The following AUH variants were observed in gnomAD, a reference collection of about 807,000 sequenced individuals.
AUH encodes AU RNA binding methylglutaconyl-CoA hydratase.
Under a neutral mutation model 42.3 loss-of-function variants are expected in AUH, and 29 were observed. The ratio of observed to expected loss-of-function variants is 0.69; its 90% CI spans 0.51 to 0.93. AUH has a LOEUF of 0.93. Ranked by LOEUF, AUH falls within the 40% of genes least tolerant of loss-of-function variation. AUH has a pLI of 0.00. For missense variants in AUH, 452 were observed against 438.1 expected (o/e 1.03, Z -0.28); for synonymous variants, 174 against 166.4 (o/e 1.05, Z -0.35).
chr9:91,300,798 A>G lies in AUH; in HGVS notation c.506-2722T>C, dbSNP rs192155306. Among the ~76,000 whole-genome samples, 320 of 152,310 alleles carry G rather than the reference A, an allele frequency of 2.1e-3. 1 individual carries two copies. The highest frequency in any genetic ancestry group is 3.5e-3 in the Non-Finnish European group (235 of 68,028). On this transcript the variant is annotated intron_variant, in intron 4 of 9. Coordinates refer to ENST00000375731, the MANE Select transcript of AUH (RefSeq NM_001698.3). Reference sequence around the variant, plus strand: ...AAAACAGCTCCAAAAGTCTCCATTCAAGACTCAATATCTGTATACAAGGTG... The same window carrying G: ...AAAACAGCTCCAAAAGTCTCCATTCGAGACTCAATATCTGTATACAAGGTG...
chr9:91,298,591 G>A (rs543711693), intron 4 of AUH, among the ~76,000 whole-genome samples: 1 of 152,330 alleles, frequency 6.6e-6, no homozygotes, highest in African/African-American at 2.4e-5. Flanking sequence ...CATTTAGTGA[G>A]GAGCCCTAAC....
intron 3 of AUH, among the ~76,000 whole-genome samples, chr9:91,334,913 T>A (rs1830590686): frequency 6.6e-6 from 1 of 152,188 alleles, no homozygotes; most frequent in South Asian, 2.1e-4. Flanking sequence ...CAGGTCAAGA[T>A]AACCAATGAT....
At chr9:91,285,206 A>C (rs1284294378) in intron 6 of AUH, among the ~76,000 whole-genome samples, 1 of 152,138 alleles carries the variant, frequency 6.6e-6, no homozygotes, top group African/African-American at 2.4e-5. Flanking sequence ...AAACTATTGC[A>C]AGGACAAAAA....
intron 4 of AUH, among the ~76,000 whole-genome samples, chr9:91,307,214 A>G (rs912646736): frequency 1.1e-4 from 16 of 152,174 alleles, no homozygotes; most frequent in Admixed American, 9.2e-4. Context: ...ACACTTTAAT[A>G]TGGGCAATTT....
At chr9:91,320,567 C>T (rs1168645744) in intron 4 of AUH, among the ~76,000 whole-genome samples, 3 of 152,164 alleles carry the variant, frequency 2.0e-5, no homozygotes, top group Non-Finnish European at 4.4e-5. Flanking sequence ...TTGTTCTGAC[C>T]ACAAGGCATC....
chr9:91,338,920 A>G (rs1298091184), intron 3 of AUH, among the ~76,000 whole-genome samples: 1 of 152,246 alleles, frequency 6.6e-6, no homozygotes, highest in Non-Finnish European at 1.5e-5. Context: ...TGACACTTCT[A>G]TGATTATATC....
At chr9:91,262,031 TG>T in intron 6 of AUH, among the ~76,000 whole-genome samples, 1 of 152,048 alleles carries the variant, frequency 6.6e-6, no homozygotes, top group East Asian at 1.9e-4. Context: ...CATAAACCAA[TG>T]GGAAAAAAAG....
At chr9:91,265,871 A>G (rs1044174204) in intron 6 of AUH, among the ~76,000 whole-genome samples, 1 of 152,126 alleles carries the variant, frequency 6.6e-6, no homozygotes, top group East Asian at 1.9e-4. Flanking sequence ...CCCTCTTCCT[A>G]AAGAGTTATA....
intron 6 of AUH, among the ~76,000 whole-genome samples, chr9:91,295,479 G>A (rs995901791): frequency 3.0e-4 from 45 of 152,122 alleles, no homozygotes; most frequent in African/African-American, 9.9e-4. Context: ...AAACAGCAGC[G>A]CATGCTACAG....
chr9:91,302,740 G>A (rs1564081072), intron 4 of AUH, among the ~76,000 whole-genome samples: 3 of 152,196 alleles, frequency 2.0e-5, no homozygotes, highest in East Asian at 1.9e-4. Flanking sequence ...CTGCATTCCA[G>A]CCTGGGCAAC....
intron 6 of AUH, among the ~76,000 whole-genome samples, chr9:91,294,474 G>A (rs1827157183): frequency 6.6e-6 from 1 of 151,370 alleles, no homozygotes; most frequent in Non-Finnish European, 1.5e-5. Context: ...CTTGAACCGG[G>A]GAGGCAGGGG....
chr9:91,267,970 C>T (rs910783417), intron 6 of AUH, among the ~76,000 whole-genome samples: 5 of 152,124 alleles, frequency 3.3e-5, no homozygotes, highest in Non-Finnish European at 7.4e-5. Flanking sequence ...ACTCACAGAT[C>T]TATCCTCCTA....
At chr9:91,293,568 G>C (rs1167648547) in intron 6 of AUH, among the ~76,000 whole-genome samples, 1 of 152,174 alleles carries the variant, frequency 6.6e-6, no homozygotes, top group African/African-American at 2.4e-5. Context: ...TTTAATTCTA[G>C]AGTTAAGTCT....
At chr9:91,224,188 A>G (rs566534571) in intron 6 of AUH, among the ~76,000 whole-genome samples, 60 of 152,256 alleles carry the variant, frequency 3.9e-4, no homozygotes, top group African/African-American at 1.3e-3. Context: ...TTTGGTAGCA[A>G]TTTCATTGTG....
At position 91,214,273 on chromosome 9, in the gene AUH, G is replaced by T; in HGVS notation, c.*75C>A. On this transcript the variant is annotated 3_prime_UTR_variant, in exon 10 of 10. Coordinates refer to ENST00000375731, the MANE Select transcript of AUH (RefSeq NM_001698.3). The stretch of plus-strand genomic sequence containing the variant: ...TGGTCATTAAGGTTCCATGTGCTGA[G>T]GCATATAGTGGATCCGAAAGACACT... 2.4e-6 allele frequency: 3 copies of T among 1,245,446 alleles called. No individual in the cohort carries two copies. The highest frequency in any genetic ancestry group is 1.5e-5 in the African/African-American group (1 of 67,316). 77.1% of individuals were successfully genotyped at this position (1,245,446 alleles called of 1,614,324 possible). A position where few individuals can be genotyped will look rare whatever the true frequency, so the allele number is the denominator to read the frequency against.
chr9:91,227,859 T>C (rs1422104576), intron 6 of AUH, among the ~76,000 whole-genome samples: 1 of 151,854 alleles, frequency 6.6e-6, no homozygotes, highest in African/African-American at 2.4e-5. Context: ...TTACATTTAT[T>C]GATTTGCGTA....
chr9:91,233,866 A>G (rs1380151131), intron 6 of AUH, among the ~76,000 whole-genome samples: 1 of 152,330 alleles, frequency 6.6e-6, no homozygotes, highest in Non-Finnish European at 1.5e-5. Flanking sequence ...GCATACAAGC[A>G]TAAGAACCCT....
chr9:91,222,844 T>C (rs1827210218), intron 6 of AUH, among the ~76,000 whole-genome samples: 1 of 152,214 alleles, frequency 6.6e-6, no homozygotes, highest in African/African-American at 2.4e-5. Flanking sequence ...AAGTTTAATG[T>C]AGACTGGTCA....
intron 6 of AUH, among the ~76,000 whole-genome samples, chr9:91,247,255 C>T (rs904980277): frequency 1.3e-5 from 2 of 152,156 alleles, no homozygotes; most frequent in Non-Finnish European, 2.9e-5. Context: ...CAACTTCAAC[C>T]GATAGTGCTA....
Sources: allele counts gnomAD v4.1 joint callset (sites outside exome capture counted in the v4.1 genomes callset), GRCh38; gene constraint gnomAD v4.1.1; transcripts MANE v1.5; gene names NCBI Gene and HGNC (gene_info 2026-07-23, HGNC 2026-07-21).